Variants in TBC1D32 observed in about 807,000 individuals in gnomAD.
TBC1D32 encodes the protein TBC1 domain family member 32.
In TBC1D32, 151 loss-of-function variants were observed where a neutral mutation model predicts 170.3. The observed-to-expected ratio is 0.89, with a 90% CI of 0.78 to 1.01. The LOEUF (loss-of-function observed/expected upper bound fraction) is 1.01. TBC1D32 is among the 50% of genes least tolerant of loss of function. TBC1D32 has a pLI of 0.00. For missense variants in TBC1D32, 1,464 were observed against 1,457.1 expected (o/e 1.00, Z -0.08); for synonymous variants, 498 against 488.0 (o/e 1.02, Z -0.27).
In TBC1D32 at chr6:121,247,462, C is replaced by T. The variant is rs144472425; in HGVS notation, c.2019-5123G>A. Among the ~76,000 whole-genome samples the T allele has an allele frequency of 3.5e-3, 525 of 151,218 alleles. 3 individuals carry two copies. Among genetic ancestry groups the T allele is most frequent in the African/African-American group, 0.012 (488 of 41,294 alleles). Reference sequence around the variant, plus strand: ...ACTAACATGATGAATAAAAAAGTACCTCACATCTCAATATTAATGTTGAAA... The same window carrying T: ...ACTAACATGATGAATAAAAAAGTACTTCACATCTCAATATTAATGTTGAAA... On this transcript the variant is annotated intron_variant, in intron 17 of 31. Transcript: ENST00000398212.
intron 14 of TBC1D32, among the ~76,000 whole-genome samples, chr6:121,279,517 A>G (rs1024571768): frequency 6.6e-6 from 1 of 151,928 alleles, no homozygotes; most frequent in Non-Finnish European, 1.5e-5. Flanking sequence ...AGTTTTATAT[A>G]TAATTCTGGT....
At chr6:121,170,537 A>G (rs1459720808) in intron 22 of TBC1D32, 9 of 1,499,328 alleles carry the variant, frequency 6.0e-6, no homozygotes, top group Admixed American at 2.3e-5. Flanking sequence ...CCTATATAAA[A>G]AAGAAAAATA....
chr6:121,218,986 C>A (rs6916425), intron 21 of TBC1D32, among the ~76,000 whole-genome samples: 134,367 of 152,192 alleles, frequency 0.88, 59,778 homozygotes, highest in East Asian at 0.98. Flanking sequence ...TTTCCTTTTA[C>A]GTTATCCAGT....
chr6:121,184,956 T>G (rs1044910006), intron 22 of TBC1D32, among the ~76,000 whole-genome samples: 4 of 151,958 alleles, frequency 2.6e-5, no homozygotes, highest in African/African-American at 9.7e-5. Context: ...TTGAAGAACA[T>G]TCACAAGTCA....
Position 121,131,856 on chromosome 6 carries a change from T to C in TBC1D32, c.2774-104A>G, listed in dbSNP as rs572873317. 5.5e-5 allele frequency: 44 copies of C among 802,256 alleles called. No individual in the cohort carries two copies. In the African/African-American group the frequency reaches 6.5e-4, roughly 12 times the overall value. 49.7% of individuals were successfully genotyped at this position (802,256 alleles called of 1,614,324 possible). A position where few individuals can be genotyped will look rare whatever the true frequency, so the allele number is the denominator to read the frequency against. On this transcript the variant is annotated intron_variant, in intron 24 of 31. Transcript: ENST00000398212. ...AGTTGAAAATTCCATATGGAATACA[T>C]ATGGCTTTCAAAGGAAAACAGATAT... is the stretch of plus-strand genomic sequence containing the variant.
rs920203252 is a variant in TBC1D32 at position 121,312,123 on chromosome 6, C to T, written c.496-1276G>A. Among the ~76,000 whole-genome samples, 3 of 152,094 alleles carry T rather than the reference C, an allele frequency of 2.0e-5. No homozygotes were observed. The East Asian group carries it at 5.8e-4, about 29-fold the overall frequency. On this transcript the variant is annotated intron_variant, in intron 3 of 31. Transcript: ENST00000398212. ...AAACCAAACACCGCATCTTCTCACTCATAAGTGGGAGTTGAACAATGAGAA... is the reference window on the plus strand; with the variant it reads ...AAACCAAACACCGCATCTTCTCACTTATAAGTGGGAGTTGAACAATGAGAA...
chr6:121,091,790 C>A (rs1287501314), intron 30 of TBC1D32, among the ~76,000 whole-genome samples: 1 of 150,816 alleles, frequency 6.6e-6, no homozygotes, highest in Non-Finnish European at 1.5e-5. Context: ...ACCCCCAGAA[C>A]CTCATAATAC....
intron 21 of TBC1D32, among the ~76,000 whole-genome samples, chr6:121,215,983 C>T (rs906317123): frequency 6.6e-6 from 1 of 152,216 alleles, no homozygotes; most frequent in African/African-American, 2.4e-5. Flanking sequence ...TACCATTCAA[C>T]CCAGCAATCC....
rs1017975903 is a variant in TBC1D32 at position 121,239,026 on chromosome 6, A to G, written c.2364+44T>C. On this transcript the variant is annotated intron_variant, in intron 20 of 31. Coordinates refer to ENST00000398212, the MANE Select transcript of TBC1D32 (RefSeq NM_152730.6). ...AGTATGAACGAATTCATTTCTGTGA[A>G]ATACTTTTCAAATCTGTGTATTATT... 2.7e-6 allele frequency: 3 copies of G among 1,102,854 alleles called. No individual in the cohort carries two copies. The African/African-American group carries it at 4.6e-5, about 17-fold the overall frequency. The allele number at this position is 1,102,854 out of a possible 1,614,324, so 68.3% of individuals were successfully genotyped here.
At chr6:121,099,376 T>G (rs112214899) in intron 30 of TBC1D32, among the ~76,000 whole-genome samples, 2,187 of 152,070 alleles carry the variant, frequency 0.014, 14 homozygotes, top group Middle Eastern at 0.031. Context: ...TTCAAATTTC[T>G]ATTTTCTTTC....
At chr6:121,324,994 G>A (rs9401393) in intron 1 of TBC1D32, among the ~76,000 whole-genome samples, 2 of 152,128 alleles carry the variant, frequency 1.3e-5, no homozygotes, top group Non-Finnish European at 2.9e-5. Context: ...TGGATCACCA[G>A]AGGTCAGGAG....
Position 121,279,386 on chromosome 6 carries a change from G to A in TBC1D32, c.1609-141C>T, listed in dbSNP as rs1262645601. 12 of 973,840 alleles carry A rather than the reference G, an allele frequency of 1.2e-5. No homozygotes were observed. The African/African-American group carries it at 1.9e-4, about 15-fold the overall frequency. 60.3% of individuals were successfully genotyped at this position (973,840 alleles called of 1,614,324 possible). On this transcript the variant is annotated intron_variant, in intron 14 of 31. Coordinates refer to ENST00000398212, the MANE Select transcript of TBC1D32 (RefSeq NM_152730.6). ...CAAGCTTAATGATTTGTTTGGCTGT[G>A]AAATAATATGTCTGAAAAAAATGTG...
intron 15 of TBC1D32, among the ~76,000 whole-genome samples, chr6:121,269,222 A>G (rs901184964): frequency 1.1e-4 from 17 of 152,188 alleles, no homozygotes; most frequent in Admixed American, 4.6e-4. Flanking sequence ...CAAAATAACC[A>G]GCTAACATCA....
chr6:121,300,196 C>A (rs532456965), intron 9 of TBC1D32, among the ~76,000 whole-genome samples: 1 of 152,200 alleles, frequency 6.6e-6, no homozygotes, highest in African/African-American at 2.4e-5. Context: ...GTAATCCCAG[C>A]ACTTTGAGAG....
chr6:121,184,833 C>T lies in TBC1D32; in HGVS notation c.2570+20242G>A, dbSNP rs747704487. Among the ~76,000 whole-genome samples the T allele has an allele frequency of 5.7e-4, 87 of 151,892 alleles. 1 individual carries two copies. Among genetic ancestry groups the T allele is most frequent in the Non-Finnish European group, 1.2e-3 (81 of 67,960 alleles). ...AAACATAATTTTGAGCTCCCACCAT[C>T]GTGGCCACTTTGCACATAATCCCAT... On this transcript the variant is annotated intron_variant, in intron 22 of 31. Transcript: ENST00000398212.
intron 20 of TBC1D32, among the ~76,000 whole-genome samples, chr6:121,238,377 T>A (rs948636861): frequency 6.6e-6 from 1 of 152,092 alleles, no homozygotes; most frequent in Non-Finnish European, 1.5e-5. Context: ...TTTAACTTAT[T>A]TTTTCCAGAA....
chr6:121,171,273 A>AATT (rs1786944800), intron 22 of TBC1D32, among the ~76,000 whole-genome samples: 2 of 151,612 alleles, frequency 1.3e-5, no homozygotes, highest in African/African-American at 4.8e-5. Context: ...TTGTTCAGAA[A>AATT]ACAAAAAGTC....
rs574143876 is a variant in TBC1D32 at position 121,195,215 on chromosome 6, T to TG, written c.2570+9859dup. On this transcript the variant is annotated intron_variant, in intron 22 of 31. Coordinates refer to ENST00000398212, the MANE Select transcript of TBC1D32 (RefSeq NM_152730.6). The stretch of plus-strand genomic sequence containing the variant: ...GCTCTGCAACAGGTCCAGGCTGCTG[T>TG]GCAAGCTGCTCTGCCACTTGGGCCA... Among the ~76,000 whole-genome samples, 15 of 152,322 alleles carry TG rather than the reference T, an allele frequency of 9.8e-5. No homozygotes were observed. The East Asian group carries it at 2.7e-3, about 27-fold the overall frequency.
intron 15 of TBC1D32, among the ~76,000 whole-genome samples, chr6:121,277,842 C>A: frequency 6.8e-6 from 1 of 147,820 alleles, no homozygotes; most frequent in East Asian, 2.0e-4. Flanking sequence ...TTGAAAAGAA[C>A]AGTAAAATTT....
Sources: gnomAD v4.1 joint callset for allele counts (sites outside exome capture counted in the v4.1 genomes callset) on GRCh38, gnomAD v4.1.1 for gene constraint, MANE v1.5 for transcripts, NCBI Gene and HGNC (gene_info 2026-07-23, HGNC 2026-07-21) for gene names.